CCDC146: variants seen among roughly 807,000 people sequenced by gnomAD.
CCDC146 encodes the protein coiled-coil domain containing 146.
CCDC146 carries 92 observed loss-of-function variants against 119.3 expected under a neutral mutation model. The ratio of observed to expected loss-of-function variants is 0.77; its 90% CI spans 0.65 to 0.92. The LOEUF is 0.92. Among genes scored for constraint, CCDC146 ranks in the 40% least tolerant of loss-of-function variants. The pLI is 0.00. For missense variants in CCDC146, 1,000 were observed against 1,103.0 expected, an observed-to-expected ratio of 0.91 and a Z score of 1.32; for synonymous variants, 372 against 371.8, an observed-to-expected ratio of 1.00 and a Z score of -0.01.
intron 2 of CCDC146, among the ~76,000 whole-genome samples, chr7:77,219,005 T>C (rs1792351276): frequency 6.6e-6 from 1 of 152,210 alleles, no homozygotes; most frequent in African/African-American, 2.4e-5. Flanking sequence ...TACTACAACA[T>C]GAATAAGGTC....
At chr7:77,240,126 G>A (rs1792816130) in intron 3 of CCDC146, among the ~76,000 whole-genome samples, 1 of 152,232 alleles carries the variant, frequency 6.6e-6, no homozygotes, top group Non-Finnish European at 1.5e-5. Context: ...ATTCAAGAGA[G>A]CTAGGGTTGT....
chr7:77,250,677 T>C (rs566014083), intron 4 of CCDC146, among the ~76,000 whole-genome samples: 2 of 152,318 alleles, frequency 1.3e-5, no homozygotes, highest in South Asian at 4.1e-4. Flanking sequence ...TGTAGTTTAT[T>C]TTCCTGCATT....
chr7:77,245,074 T>G (rs1312386121), intron 4 of CCDC146, among the ~76,000 whole-genome samples: 8 of 152,252 alleles, frequency 5.3e-5, no homozygotes, highest in Non-Finnish European at 1.2e-4. Flanking sequence ...TTTGTCAATT[T>G]TTTTGTGTAT....
chr7:77,141,680 C>G (rs10272278), intron 1 of CCDC146, among the ~76,000 whole-genome samples: 5,670 of 152,238 alleles, frequency 0.037, 346 homozygotes, highest in African/African-American at 0.13. Flanking sequence ...TGATGATGAG[C>G]TTTTTTTCAT....
chr7:77,259,955 TGTGTGTGTGTGTGTGTGTGTGTGTGTG>T, intron 7 of CCDC146, 27 bp from the exon 8 acceptor site: 1 of 253,328 alleles, frequency 3.9e-6, no homozygotes, highest in South Asian at 4.8e-5. Flanking sequence ...TGTGTGTGTG[TGTGTGTGTGTGTGTGTGTGTGTGTGTG>T]TGTGTGTGTG....
chr7:77,208,652 G>A (rs1006343706), intron 2 of CCDC146, among the ~76,000 whole-genome samples: 2 of 152,142 alleles, frequency 1.3e-5, no homozygotes, highest in Non-Finnish European at 2.9e-5. Flanking sequence ...CCTTCATTCT[G>A]TTTCTCTTTG....
rs1133059 is a variant in CCDC146, at chr7:77,295,138, A to C, written c.*272A>C. On this transcript the variant is annotated 3_prime_UTR_variant, in exon 19 of 19. Coordinates refer to ENST00000285871, the MANE Select transcript of CCDC146 (RefSeq NM_020879.3). ...CTTTTTCACTCTTTATATTGAGTAC[A>C]TTCCAGAAATTTGTAGTAGGCAAGG... The C allele has an allele frequency of 3.2e-6, 1 of 314,774 alleles. No homozygotes were observed. Among genetic ancestry groups the C allele is most frequent in the Non-Finnish European group, 5.9e-6 (1 of 169,276 alleles). The allele number at this position is 314,774 out of a possible 1,614,324, so 19.5% of individuals were successfully genotyped here. A position where few individuals can be genotyped will look rare whatever the true frequency, so the allele number is the denominator to read the frequency against.
chr7:77,277,530 T>G (rs2150541796), intron 11 of CCDC146, among the ~76,000 whole-genome samples: 1 of 152,320 alleles, frequency 6.6e-6, no homozygotes, highest in East Asian at 1.9e-4. Flanking sequence ...TTAGCTGCAG[T>G]TTCCATAAGA....
At position 77,293,194 on chromosome 7, in the gene CCDC146, G is replaced by T. The variant is rs774786172; in HGVS notation, c.2658G>T (p.Lys886Asn). 6.2e-6 allele frequency: 10 copies of T among 1,613,630 alleles called. No individual in the cohort carries two copies. The highest frequency in any genetic ancestry group is 1.7e-5 in the Admixed American group (1 of 59,974). ...EEMHALAIAE[K>N]SQEFLEADNR... is the part of the protein sequence containing the mutation. The stretch of plus-strand genomic sequence containing the variant: ...TGCACGCCTTGGCCATCGCTGAAAA[G>T]TCTCAGGTAGGCTTTGGCTCCTGTA... The change falls in exon 18 of 19, where the codon AAG becomes AAT. Residue 886 changes from lysine to asparagine, a missense_variant. This residue lies in a region of CCDC146 where 985 missense variants were observed against 1,045.3 expected (regional missense o/e 0.94). Transcript: ENST00000285871.
At chr7:77,169,480 CA>C (rs535997768) in intron 2 of CCDC146, among the ~76,000 whole-genome samples, 332 of 152,392 alleles carry the variant, frequency 2.2e-3, no homozygotes, top group African/African-American at 7.6e-3. Flanking sequence ...GATACTTACC[CA>C]GATCAACTCT....
chr7:77,175,189 C>T (rs1404441018), intron 2 of CCDC146, among the ~76,000 whole-genome samples: 3 of 151,384 alleles, frequency 2.0e-5, no homozygotes, highest in Admixed American at 6.5e-5. Context: ...TGTCTTAATG[C>T]TGTGAGCCAA....
chr7:77,263,974 AG>A (rs1310872769), intron 9 of CCDC146, among the ~76,000 whole-genome samples: 4 of 152,212 alleles, frequency 2.6e-5, no homozygotes, highest in African/African-American at 9.6e-5. Flanking sequence ...GTACTTTTAT[AG>A]TCTTTTGCAA....
chr7:77,170,210 T>G (rs1490279748), intron 2 of CCDC146, among the ~76,000 whole-genome samples: 1 of 152,194 alleles, frequency 6.6e-6, no homozygotes, highest in Non-Finnish European at 1.5e-5. Flanking sequence ...CTCCCACTTA[T>G]AAATGAGAAT....
intron 2 of CCDC146, among the ~76,000 whole-genome samples, chr7:77,221,089 C>A (rs556443376): frequency 6.6e-6 from 1 of 152,180 alleles, no homozygotes; most frequent in South Asian, 2.1e-4. Context: ...ACAGTTTAAA[C>A]CAACCAGATC....
At chr7:77,232,598 T>G (rs1310535441) in intron 2 of CCDC146, among the ~76,000 whole-genome samples, 1 of 152,220 alleles carries the variant, frequency 6.6e-6, no homozygotes, top group Non-Finnish European at 1.5e-5. Context: ...CTGCAAGTCC[T>G]CACAGCTTGC....
chr7:77,209,972 C>T (rs916116004), intron 2 of CCDC146, among the ~76,000 whole-genome samples: 2 of 152,212 alleles, frequency 1.3e-5, no homozygotes, highest in Admixed American at 6.5e-5. Context: ...GCCTCCAGGC[C>T]TGTGATGAGA....
chr7:77,171,505 CACTGCTGAGCTCCCTGCCA>C (rs1733807326), intron 2 of CCDC146, among the ~76,000 whole-genome samples: 1 of 152,192 alleles, frequency 6.6e-6, no homozygotes, highest in African/African-American at 2.4e-5. Flanking sequence ...ACTCCCTACC[CACTGCTGAGCTCCCTGCCA>C]CCTCCAGACT....
rs1244338485 is a variant in CCDC146 at position 77,273,764 on chromosome 7, T to A, written c.1244T>A (p.Val415Glu). The part of the protein sequence containing the change: ...RRRELHKEVE[V>E]AKRNLAQQKI... Reference sequence around the variant, plus strand: ...CGAGAGCTTCACAAGGAAGTTGAAGTAGCTAAGAGGAATTTGGCCCAACAG... The same window carrying A: ...CGAGAGCTTCACAAGGAAGTTGAAGAAGCTAAGAGGAATTTGGCCCAACAG... The change falls in exon 10 of 19, where the codon GTA becomes GAA. Residue 415 changes from valine to glutamate, a missense_variant. Val to Glu is a moderately radical substitution (Grantham distance 121). Coordinates refer to ENST00000285871, the MANE Select transcript of CCDC146 (RefSeq NM_020879.3). The A allele has an allele frequency of 6.2e-7, 1 of 1,611,226 alleles. No individual in the cohort carries two copies. Among genetic ancestry groups the A allele is most frequent in the East Asian group, 2.2e-5 (1 of 44,796 alleles).
intron 2 of CCDC146, among the ~76,000 whole-genome samples, chr7:77,219,358 G>A (rs1792360121): frequency 6.6e-6 from 1 of 150,878 alleles, no homozygotes; most frequent in South Asian, 2.1e-4. Context: ...GGTTCTATCT[G>A]CTTTTTAAAA....
Sources: gnomAD v4.1 joint callset for allele counts (sites outside exome capture counted in the v4.1 genomes callset) on GRCh38, gnomAD v4.1.1 for gene constraint, gnomAD v4.1.1 regional missense constraint, MANE v1.5 for transcripts, NCBI Gene and HGNC (gene_info 2026-07-23, HGNC 2026-07-21) for gene names.